Variants in SLC12A1 observed in about 807,000 individuals in gnomAD.
SLC12A1 encodes the protein Na-K-2Cl cotransporter.
In SLC12A1, 89 loss-of-function variants were observed where a neutral mutation model predicts 130.4. That is an observed-to-expected ratio of 0.68 (90% CI 0.58 to 0.81). The LOEUF (loss-of-function observed/expected upper bound fraction) is 0.81. Ranked by LOEUF, SLC12A1 falls within the 40% of genes least tolerant of loss-of-function variation. The probability of loss-of-function intolerance (pLI) is 0.00; values close to 1 mark genes in which losing one functional copy is unlikely to be tolerated. For synonymous variants in SLC12A1, 499 were observed against 460.0 expected, an observed-to-expected ratio of 1.08 and a Z score of -1.09; for missense variants, 1,310 against 1,336.4, an observed-to-expected ratio of 0.98 and a Z score of 0.31.
intron 25 of SLC12A1, among the ~76,000 whole-genome samples, chr15:48,300,124 G>A (rs1597464228): frequency 6.6e-6 from 1 of 152,100 alleles, no homozygotes; most frequent in East Asian, 1.9e-4. Flanking sequence ...TTGAGCCCAG[G>A]AGTTCAGGGC....
chr15:48,213,322 T>A (rs971750878), intron 2 of SLC12A1, among the ~76,000 whole-genome samples: 3 of 152,112 alleles, frequency 2.0e-5, no homozygotes, highest in African/African-American at 7.2e-5. Context: ...GAGCAGGAGG[T>A]ACTTCCTTGT....
At chr15:48,253,021 G>A (rs550144026) in intron 15 of SLC12A1, among the ~76,000 whole-genome samples, 112 of 152,304 alleles carry the variant, frequency 7.4e-4, no homozygotes, top group African/African-American at 2.6e-3. Flanking sequence ...AACTTTGGGT[G>A]TTGACTTTAG....
Position 48,232,990 on chromosome 15 carries a change from G to A in SLC12A1, c.1087+152G>A, listed in dbSNP as rs183142328. On this transcript the variant is annotated intron_variant, in intron 8 of 26. Coordinates refer to ENST00000380993, the MANE Select transcript of SLC12A1 (RefSeq NM_000338.3). The stretch of plus-strand genomic sequence containing the variant: ...GAAGCCCAAAAGAAATGGGAAGTAC[G>A]TTGGGGAAACATAATAGAGGCAAAA... Among the ~76,000 whole-genome samples, 14 of 152,298 alleles carry A rather than the reference G, an allele frequency of 9.2e-5. No individual in the cohort carries two copies. The East Asian group carries it at 1.9e-3, about 21-fold the overall frequency.
At chr15:48,229,850 T>C (rs1238519364) in intron 6 of SLC12A1, among the ~76,000 whole-genome samples, 1 of 152,226 alleles carries the variant, frequency 6.6e-6, no homozygotes, top group African/African-American at 2.4e-5. Flanking sequence ...TAATTTCTAG[T>C]CCTTTTCTCA....
intron 20 of SLC12A1, among the ~76,000 whole-genome samples, chr15:48,281,281 T>C (rs1230436610): frequency 3.9e-5 from 6 of 152,228 alleles, no homozygotes; most frequent in Non-Finnish European, 8.8e-5. Context: ...GGCATTGTAC[T>C]TGGCATACAG....
chr15:48,289,853 CACG>C (rs1056321027), intron 23 of SLC12A1, among the ~76,000 whole-genome samples: 9 of 152,246 alleles, frequency 5.9e-5, no homozygotes, highest in African/African-American at 2.2e-4. Flanking sequence ...GGCCCCAGGA[CACG>C]ACTACACTAC....
At chr15:48,252,356 AATC>A (rs1439188758) in intron 15 of SLC12A1, among the ~76,000 whole-genome samples, 1 of 152,212 alleles carries the variant, frequency 6.6e-6, no homozygotes, top group Non-Finnish European at 1.5e-5. Flanking sequence ...CCAAAGTAAT[AATC>A]AAGATGTGAT....
In SLC12A1 at chr15:48,247,020, A is replaced by G. The variant is rs1464793764; in HGVS notation, c.1560+4A>G. On this transcript the variant is annotated splice_donor_region_variant and intron_variant, in intron 12 of 26. Coordinates refer to ENST00000380993, the MANE Select transcript of SLC12A1 (RefSeq NM_000338.3). ...CAGCGCACCCAAAGTGTTCCAGGTA[A>G]TACAAGCACAACAGCTTGTGCTTCT... is the stretch of plus-strand genomic sequence containing the variant. The G allele has an allele frequency of 3.1e-6, 5 of 1,602,140 alleles. No homozygotes were observed. Among genetic ancestry groups the G allele is most frequent in the Non-Finnish European group, 4.3e-6 (5 of 1,169,074 alleles).
intron 2 of SLC12A1, among the ~76,000 whole-genome samples, chr15:48,215,409 A>C (rs181656960): frequency 1.1e-3 from 162 of 152,354 alleles, no homozygotes; most frequent in Non-Finnish European, 2.0e-3. Context: ...TAGTAAATAA[A>C]TAATCATTCC....
intron 15 of SLC12A1, among the ~76,000 whole-genome samples, chr15:48,254,660 G>A (rs909523637): frequency 7.4e-6 from 1 of 135,304 alleles, no homozygotes; most frequent in Non-Finnish European, 1.6e-5. Flanking sequence ...GGTGGCTCAC[G>A]CCTGTAATCC....
At position 48,302,740 on chromosome 15, in the gene SLC12A1, A is replaced by G. The variant is rs762527534; in HGVS notation, c.3165-10A>G. On this transcript the variant is annotated splice_polypyrimidine_tract_variant and intron_variant, in intron 26 of 26. Transcript: ENST00000380993. ...ACTTTCATTTTTAAATTTTTCCTTC[A>G]TGTCATTAGGAGCCTTCCCGTGGCA... The G allele has an allele frequency of 1.3e-6, 2 of 1,583,140 alleles. No individual in the cohort carries two copies. Among genetic ancestry groups the G allele is most frequent in the African/African-American group, 1.4e-5 (1 of 73,348 alleles).
intron 22 of SLC12A1, 76 bp from the exon 23 acceptor site, chr15:48,288,329 T>C (rs1357526102): frequency 2.0e-5 from 21 of 1,052,056 alleles, no homozygotes. Flanking sequence ...AATGTGGTAA[T>C]GAATAAAGAT....
rs773920869 is a variant in SLC12A1 at position 48,230,515 on chromosome 15, A to G, written c.975+12A>G. ...AATGGGAGGCAAAGGTAAATTTCTC[A>G]AAAATGATATTATCAACAGTGGCTG... On this transcript the variant is annotated intron_variant, in intron 7 of 26. Transcript: ENST00000380993. The G allele has an allele frequency of 1.3e-6, 2 of 1,539,692 alleles. No homozygotes were observed. Among genetic ancestry groups the G allele is most frequent in the Non-Finnish European group, 1.8e-6 (2 of 1,116,896 alleles).
chr15:48,296,866 T>G (rs1456925920), intron 24 of SLC12A1, among the ~76,000 whole-genome samples: 2 of 152,100 alleles, frequency 1.3e-5, no homozygotes, highest in African/African-American at 4.8e-5. Flanking sequence ...ATCCAAAGGA[T>G]AGACCAATCA....
intron 7 of SLC12A1, among the ~76,000 whole-genome samples, chr15:48,232,492 C>T (rs1028440481): frequency 2.0e-5 from 3 of 152,172 alleles, no homozygotes; most frequent in Non-Finnish European, 4.4e-5. Flanking sequence ...AGAAATGTCA[C>T]GTTCAACTGC....
At chr15:48,248,558 T>C (rs901943348) in intron 13 of SLC12A1, among the ~76,000 whole-genome samples, 2 of 152,252 alleles carry the variant, frequency 1.3e-5, no homozygotes, top group Non-Finnish European at 2.9e-5. Context: ...TTGGTATCCA[T>C]GTTCCAGAAT....
intron 10 of SLC12A1, among the ~76,000 whole-genome samples, chr15:48,242,867 A>G (rs1471223401): frequency 1.3e-5 from 2 of 152,208 alleles, no homozygotes; most frequent in Admixed American, 1.3e-4. Context: ...ACATGTAAAG[A>G]GATTTTTTTT....
At chr15:48,302,387 G>A (rs1201305036) in intron 26 of SLC12A1, among the ~76,000 whole-genome samples, 1 of 151,856 alleles carries the variant, frequency 6.6e-6, no homozygotes, top group Non-Finnish European at 1.5e-5. Context: ...TTGGGAGGCC[G>A]AGGCGGGTGG....
chr15:48,248,937 G>A (rs771126899), intron 13 of SLC12A1, among the ~76,000 whole-genome samples: 4 of 152,130 alleles, frequency 2.6e-5, no homozygotes, highest in Non-Finnish European at 4.4e-5. Context: ...CCAGCTACTA[G>A]GGAGGCTGAG....
Sources: gnomAD v4.1 joint callset for allele counts (sites outside exome capture counted in the v4.1 genomes callset) on GRCh38, gnomAD v4.1.1 for gene constraint, MANE v1.5 for transcripts, NCBI Gene and HGNC (gene_info 2026-07-23, HGNC 2026-07-21) for gene names.